ERGIC1: variants seen among roughly 807,000 people sequenced by gnomAD.
ERGIC1 encodes the protein endoplasmic reticulum-Golgi intermediate compartment protein 1.
Under a neutral mutation model 38.3 loss-of-function variants are expected in ERGIC1, and 19 were observed. That is an observed-to-expected ratio of 0.50 (90% CI 0.35 to 0.73). The LOEUF is 0.73. Ranked by LOEUF, ERGIC1 falls within the 30% of genes least tolerant of loss-of-function variation. The probability of loss-of-function intolerance (pLI) is 0.01; values close to 1 mark genes in which losing one functional copy is unlikely to be tolerated. For synonymous variants in ERGIC1, 124 were observed against 157.6 expected (o/e 0.79, Z 1.60); for missense variants, 294 against 389.2 (o/e 0.76, Z 2.06).
intron 1 of ERGIC1, among the ~76,000 whole-genome samples, chr5:172,847,516 T>C (rs1273342585): frequency 6.6e-6 from 1 of 151,886 alleles, no homozygotes; most frequent in East Asian, 1.9e-4. Flanking sequence ...TATATATTTT[T>C]TGTTGTTGTT....
chr5:172,848,589 C>T (rs1357456464), intron 1 of ERGIC1, among the ~76,000 whole-genome samples: 6 of 152,184 alleles, frequency 3.9e-5, no homozygotes, highest in Non-Finnish European at 8.8e-5. Context: ...CATCTTGTGT[C>T]TGTCTTCCTT....
At chr5:172,838,673 C>T (rs1412012855) in intron 1 of ERGIC1, among the ~76,000 whole-genome samples, 2 of 152,102 alleles carry the variant, frequency 1.3e-5, no homozygotes, top group Non-Finnish European at 2.9e-5. Context: ...CTCAAGTCAT[C>T]CTCCTTCCTT....
At chr5:172,872,152 G>C (rs1762031054) in intron 1 of ERGIC1, among the ~76,000 whole-genome samples, 1 of 152,006 alleles carries the variant, frequency 6.6e-6, no homozygotes. Context: ...GAGTAACCTC[G>C]GGCCTCAGGG....
chr5:172,835,442 G>C (rs954619171), intron 1 of ERGIC1, among the ~76,000 whole-genome samples: 3 of 151,874 alleles, frequency 2.0e-5, no homozygotes, highest in Non-Finnish European at 2.9e-5. Flanking sequence ...TAAAAATAAG[G>C]TCTCCGCTTG....
chr5:172,861,347 T>C (rs966980919), intron 1 of ERGIC1, among the ~76,000 whole-genome samples: 1 of 152,188 alleles, frequency 6.6e-6, no homozygotes, highest in African/African-American at 2.4e-5. Flanking sequence ...CCACGTGTTC[T>C]CTTTCATAGC....
At chr5:172,863,769 C>T (rs1286936710) in intron 1 of ERGIC1, among the ~76,000 whole-genome samples, 1 of 152,202 alleles carries the variant, frequency 6.6e-6, no homozygotes, top group African/African-American at 2.4e-5. Context: ...GAGAGCAGGG[C>T]TTTGTCACAC....
chr5:172,874,799 C>G (rs972097975), intron 1 of ERGIC1, among the ~76,000 whole-genome samples: 11 of 151,706 alleles, frequency 7.3e-5, no homozygotes, highest in Non-Finnish European at 1.5e-4. Context: ...CAGTGGTGTG[C>G]GCTTGTCCTA....
At chr5:172,891,833 C>T (rs561508377) in intron 2 of ERGIC1, among the ~76,000 whole-genome samples, 43 of 152,332 alleles carry the variant, frequency 2.8e-4, no homozygotes, top group African/African-American at 9.1e-4. Flanking sequence ...TCTGCTGATA[C>T]ATCCTGGGCA....
At position 172,837,087 on chromosome 5, in the gene ERGIC1, A is replaced by ACCT. The variant is rs560673076; in HGVS notation, c.20+2660_20+2662dup. On this transcript the variant is annotated intron_variant, in intron 1 of 9. Coordinates refer to ENST00000393784, the MANE Select transcript of ERGIC1 (RefSeq NM_001031711.3). This position sits in a 1 kb window ranked among gnomAD's most constrained non-coding sequence, Gnocchi z 4.3. The stretch of plus-strand genomic sequence containing the variant: ...GTGGAGAGGGGTATACCGTGATTAG[A>ACCT]CCTCCTCCCCCAGTTCAAGGCCAGG... Among the ~76,000 whole-genome samples the ACCT allele has an allele frequency of 9.4e-4, 143 of 151,570 alleles. No individual in the cohort carries two copies. The highest frequency in any genetic ancestry group is 2.5e-3 in the Admixed American group (38 of 15,210).
chr5:172,897,986 C>G, intron 3 of ERGIC1: 3 of 412,402 alleles, frequency 7.3e-6, no homozygotes, highest in Non-Finnish European at 8.9e-6. Context: ...ATTATGCAGT[C>G]ACGACCTCAT....
chr5:172,845,194 G>A (rs972409218), intron 1 of ERGIC1, among the ~76,000 whole-genome samples: 8 of 152,108 alleles, frequency 5.3e-5, no homozygotes, highest in East Asian at 1.9e-4. Context: ...CAACCCCTCC[G>A]TGGATACCCT....
intron 9 of ERGIC1, among the ~76,000 whole-genome samples, chr5:172,943,089 T>C (rs1018311181): frequency 6.6e-6 from 1 of 152,064 alleles, no homozygotes. Context: ...TGTGGACAAG[T>C]CATTCCCTCT....
At chr5:172,887,015 G>T (rs747465960) in intron 1 of ERGIC1, among the ~76,000 whole-genome samples, 3 of 152,216 alleles carry the variant, frequency 2.0e-5, no homozygotes, top group Non-Finnish European at 4.4e-5. Context: ...TAAGCAGGCG[G>T]CAGAGAAAGT....
intron 1 of ERGIC1, among the ~76,000 whole-genome samples, chr5:172,885,706 T>A (rs983157024): frequency 6.6e-6 from 1 of 151,760 alleles, no homozygotes; most frequent in South Asian, 2.1e-4. Context: ...TGCAGCCCTT[T>A]CCTGCTGCTC....
At chr5:172,935,473 G>A (rs1472334192) in intron 9 of ERGIC1, 163 bp downstream of exon 9, 1 of 831,426 alleles carries the variant, frequency 1.2e-6, no homozygotes, top group Non-Finnish European at 1.8e-6. Flanking sequence ...CAAGGATGCT[G>A]AGAAATGTTG....
At chr5:172,905,453 G>T (rs1262181942) in intron 3 of ERGIC1, 1 of 468,422 alleles carries the variant, frequency 2.1e-6, no homozygotes, top group Non-Finnish European at 4.4e-6. Context: ...GGATTCCAAG[G>T]AATGGAACGT....
chr5:172,893,234 G>A (rs1013424157), intron 2 of ERGIC1, among the ~76,000 whole-genome samples: 5 of 148,944 alleles, frequency 3.4e-5, no homozygotes, highest in African/African-American at 7.5e-5. Context: ...TACAACCTCC[G>A]CCTCTCGGAT....
At position 172,834,593 on chromosome 5, in the gene ERGIC1, C is replaced by G. The variant is rs1447930382; in HGVS notation, c.20+160C>G. 2.0e-5 allele frequency among the ~76,000 whole-genome samples: 3 copies of G among 147,038 alleles called. No homozygotes were observed. The highest frequency in any genetic ancestry group is 4.6e-5 in the Non-Finnish European group (3 of 65,642). ...GACCCCAGGCGAGCCCCCCCCCTGCCGCACACGAAGCCAGCCAGAGCCGCG... is the reference window on the plus strand; with the variant it reads ...GACCCCAGGCGAGCCCCCCCCCTGCGGCACACGAAGCCAGCCAGAGCCGCG... On this transcript the variant is annotated intron_variant, in intron 1 of 9. Transcript: ENST00000393784. This position sits in a 1 kb window ranked among gnomAD's most constrained non-coding sequence, Gnocchi z 4.1.
intron 1 of ERGIC1, among the ~76,000 whole-genome samples, chr5:172,884,542 AC>A (rs1762371985): frequency 6.6e-6 from 1 of 152,186 alleles, no homozygotes; most frequent in African/African-American, 2.4e-5. Flanking sequence ...AGCATGAGCC[AC>A]TGACTGTGTC....
Sources: gnomAD v4.1 joint callset for allele counts (sites outside exome capture counted in the v4.1 genomes callset) on GRCh38, gnomAD v4.1.1 for gene constraint, Gnocchi (gnomAD v3.1) non-coding constraint, MANE v1.5 for transcripts, NCBI Gene and HGNC (gene_info 2026-07-23, HGNC 2026-07-21) for gene names.